ENOSF1: variants seen among roughly 807,000 people sequenced by gnomAD.
ENOSF1 encodes the protein enolase superfamily member 1, also known as mitochondrial enolase superfamily member 1.
In ENOSF1, 73 loss-of-function variants were observed where a neutral mutation model predicts 68.2. That is an observed-to-expected ratio of 1.07 (90% confidence interval 0.89 to 1.30). The LOEUF (loss-of-function observed/expected upper bound fraction) is 1.30. Ranked by LOEUF, ENOSF1 falls within the 50% of genes most tolerant of loss-of-function variation. The pLI is 0.00. For missense variants in ENOSF1, 589 were observed against 554.5 expected, an observed-to-expected ratio of 1.06 and a Z score of -0.62; for synonymous variants, 223 against 210.4, an observed-to-expected ratio of 1.06 and a Z score of -0.52.
intron 2 of ENOSF1, among the ~76,000 whole-genome samples, chr18:698,876 C>A (rs910036505): frequency 2.6e-5 from 4 of 152,080 alleles, no homozygotes; most frequent in Admixed American, 2.6e-4. Context: ...CCTGCCTCGG[C>A]CACCAAAATT....
chr18:703,776 G>A (rs1034041130), intron 2 of ENOSF1, among the ~76,000 whole-genome samples: 1 of 152,188 alleles, frequency 6.6e-6, no homozygotes, highest in East Asian at 1.9e-4. Context: ...TCATGTTGAA[G>A]TGTAATCCGC....
At chr18:681,170 G>A (rs186319227) in intron 11 of ENOSF1, among the ~76,000 whole-genome samples, 6 of 152,148 alleles carry the variant, frequency 3.9e-5, no homozygotes, top group Admixed American at 2.0e-4. Context: ...CCACTATGCC[G>A]TTCTTTCATC....
intron 15 of ENOSF1, 126 bp downstream of exon 15, chr18:675,195 C>G: frequency 1.3e-6 from 1 of 743,000 alleles, no homozygotes; most frequent in South Asian, 1.6e-5. Context: ...ACTGAAGAAC[C>G]GTTTGTTAGT....
Position 683,398 on chromosome 18 carries a change from T to G in ENOSF1, c.742-18A>C, listed in dbSNP as rs756286893. The G allele has an allele frequency of 6.2e-7, 1 of 1,613,602 alleles. No individual in the cohort carries two copies. The highest frequency in any genetic ancestry group is 8.5e-7 in the Non-Finnish European group (1 of 1,179,890). ...TCCATCATCTGCAAAAAGAGACTCT[T>G]CACAGGGAGGTCAGCCCTGAGCCAA... On this transcript the variant is annotated intron_variant, in intron 10 of 15. Coordinates refer to ENST00000647584, the MANE Select transcript of ENOSF1 (RefSeq NM_017512.7).
rs2612100 is a variant in ENOSF1 at position 672,363 on chromosome 18, G to A, written c.*1942C>T. 64,249 of 152,122 alleles carry A rather than the reference G, an allele frequency of 0.42. 15,317 individuals carry two copies. Among genetic ancestry groups the A allele is most frequent in the East Asian group, 0.68 (3,548 of 5,182 alleles). 9.4% of individuals were successfully genotyped at this position (152,122 alleles called of 1,614,324 possible). ...TTCTCTCTGGCTCTCTGCTCTGGTCGTTTTTAGACATAGTAATAGGTTGTG... is the reference window on the plus strand; with the variant it reads ...TTCTCTCTGGCTCTCTGCTCTGGTCATTTTTAGACATAGTAATAGGTTGTG... On this transcript the variant is annotated 3_prime_UTR_variant, in exon 16 of 16. Transcript: ENST00000647584.
chr18:678,746 T>C lies in ENOSF1; in HGVS notation c.877-9A>G, dbSNP rs775958274. 3.7e-6 allele frequency: 6 copies of C among 1,614,036 alleles called. No individual in the cohort carries two copies. The highest frequency in any genetic ancestry group is 2.7e-5 in the African/African-American group (2 of 74,930). On this transcript the variant is annotated splice_polypyrimidine_tract_variant and intron_variant, in intron 11 of 15. Transcript: ENST00000647584. ...CCTAATGGGACCAGTGCCTATAAAA[T>C]AGAAGGCAGCCTGGTGTTATTTTCC...
At chr18:694,404 C>G in intron 3 of ENOSF1, 70 bp from the exon 4 acceptor site, 4 of 1,431,592 alleles carry the variant, frequency 2.8e-6, no homozygotes, top group Admixed American at 1.9e-5. Context: ...ATGGCTCATG[C>G]CTGTAAACCC....
At chr18:706,443 G>A (rs1289292367) in intron 2 of ENOSF1, 27 bp downstream of exon 2, 1 of 1,438,238 alleles carries the variant, frequency 7.0e-7, no homozygotes, top group Non-Finnish European at 9.8e-7. Context: ...TAAGCATTCT[G>A]GAACCTCGAG....
At chr18:689,159 C>A (rs555719514) in intron 8 of ENOSF1, among the ~76,000 whole-genome samples, 1 of 152,322 alleles carries the variant, frequency 6.6e-6, no homozygotes, top group Non-Finnish European at 1.5e-5. Context: ...GGAATCTTAC[C>A]CTAGGCTGTC....
intron 1 of ENOSF1, among the ~76,000 whole-genome samples, chr18:709,768 TAA>T (rs557376583): frequency 7.0e-6 from 1 of 143,848 alleles, no homozygotes. Context: ...AGACTCTGTC[TAA>T]AAAAAAAAAG....
At chr18:690,671 G>C (rs1220714503) in intron 7 of ENOSF1, 40 bp from the exon 8 acceptor site, 5 of 1,438,212 alleles carry the variant, frequency 3.5e-6, no homozygotes, top group Non-Finnish European at 4.7e-6. Context: ...GCACTTTCCA[G>C]GGCCCTTCGG....
chr18:693,334 T>C, intron 5 of ENOSF1: 1 of 1,207,656 alleles, frequency 8.3e-7, no homozygotes, highest in Middle Eastern at 2.3e-4. Context: ...TCTTTTTTCT[T>C]TTTTTGAGAC....
At chr18:682,335 C>A (rs143987220) in intron 11 of ENOSF1, among the ~76,000 whole-genome samples, 112 of 152,302 alleles carry the variant, frequency 7.4e-4, no homozygotes, top group African/African-American at 2.6e-3. Context: ...CTGAACGCTG[C>A]AGGCAATTGG....
intron 10 of ENOSF1, 99 bp from the exon 11 acceptor site, chr18:683,479 A>C: frequency 7.0e-7 from 1 of 1,420,774 alleles, no homozygotes; most frequent in Non-Finnish European, 9.8e-7. Context: ...AGTGCCACCA[A>C]CAGCTGAGTG....
chr18:666,425 C>G (rs1469186815), downstream of ENOSF1, among the ~76,000 whole-genome samples: 1 of 152,180 alleles, frequency 6.6e-6, no homozygotes, highest in Non-Finnish European at 1.5e-5. Context: ...AATGAAACAT[C>G]TCACTCCTGG....
rs1426015242 is a variant in ENOSF1, at chr18:686,122, G to A, written c.654-114C>T. The A allele has an allele frequency of 1.4e-5, 11 of 765,168 alleles. No individual in the cohort carries two copies. In the East Asian group the frequency reaches 2.8e-4, roughly 19 times the overall value. 47.4% of individuals were successfully genotyped at this position (765,168 alleles called of 1,614,324 possible). On this transcript the variant is annotated intron_variant, in intron 9 of 15. Coordinates refer to ENST00000647584, the MANE Select transcript of ENOSF1 (RefSeq NM_017512.7). Reference sequence around the variant, plus strand: ...CAACAATTCACAGATATGTTTTTTAGTAACCTCTTGCTCTTTCCTCATCTT... The same window carrying A: ...CAACAATTCACAGATATGTTTTTTAATAACCTCTTGCTCTTTCCTCATCTT...
intron 2 of ENOSF1, among the ~76,000 whole-genome samples, chr18:702,049 A>G (rs2078410191): frequency 6.6e-6 from 1 of 151,924 alleles, no homozygotes; most frequent in East Asian, 1.9e-4. Context: ...GGATTGCTTG[A>G]GCTCAGGAGT....
chr18:691,275 T>C lies in ENOSF1; in HGVS notation c.425A>G (p.Asp142Gly). 6.2e-7 allele frequency: 1 copy of C among 1,613,498 alleles called. No individual in the cohort carries two copies. The highest frequency in any genetic ancestry group is 8.5e-7 in the Non-Finnish European group (1 of 1,179,630). The part of the protein sequence containing the change: ...KPVWKLLVDM[D>G]PRMLVSCIDF... ...TATGCAGGATACCAGCATCCTGGGATCCTGGCAACGTGACAGGAGGGGAAG... is the reference window on the plus strand; with the variant it reads ...TATGCAGGATACCAGCATCCTGGGACCCTGGCAACGTGACAGGAGGGGAAG... The change falls in exon 6 of 16, where the codon GAT becomes GGT. Residue 142 changes from aspartate (D) to glycine (G), a missense_variant and splice_region_variant. Coordinates refer to ENST00000647584, the MANE Select transcript of ENOSF1 (RefSeq NM_017512.7).
chr18:671,503 G>A lies in ENOSF1; in HGVS notation c.*2802C>T. 4 of 1,175,620 alleles carry A rather than the reference G, an allele frequency of 3.4e-6. No homozygotes were observed. Among genetic ancestry groups the A allele is most frequent in the Non-Finnish European group, 5.1e-6 (4 of 781,798 alleles). The allele number at this position is 1,175,620 out of a possible 1,614,324, so 72.8% of individuals were successfully genotyped here. On this transcript the variant is annotated 3_prime_UTR_variant, in exon 16 of 16. Coordinates refer to ENST00000647584, the MANE Select transcript of ENOSF1 (RefSeq NM_017512.7). ...GTTTGGTACCTTCTCTTGATAAAAGGTTGACTGTGGAACAGGCATCTGCTC... is the reference window on the plus strand; with the variant it reads ...GTTTGGTACCTTCTCTTGATAAAAGATTGACTGTGGAACAGGCATCTGCTC...
Sources: gnomAD v4.1 joint callset for allele counts (sites outside exome capture counted in the v4.1 genomes callset) on GRCh38, gnomAD v4.1.1 for gene constraint, MANE v1.5 for transcripts, NCBI Gene and HGNC (gene_info 2026-07-23, HGNC 2026-07-21) for gene names.